PRR16: variants seen among roughly 807,000 people sequenced by gnomAD.
The protein encoded by PRR16 is proline rich 16, also known as protein Largen.
In PRR16, 6 loss-of-function variants were observed where a neutral mutation model predicts 18.2. The observed-to-expected ratio is 0.33, with a 90% CI of 0.18 to 0.65. The LOEUF (loss-of-function observed/expected upper bound fraction) is 0.65, where lower values mean the gene tolerates loss of function less well. PRR16 is among the 30% of genes least tolerant of loss of function. PRR16 has a pLI of 0.74. For synonymous variants in PRR16, 151 were observed against 147.8 expected, an observed-to-expected ratio of 1.02 and a Z score of -0.16; for missense variants, 412 against 376.6, an observed-to-expected ratio of 1.09 and a Z score of -0.78.
At chr5:120,476,631 TC>T (rs1162963540) in intron 1 of PRR16, among the ~76,000 whole-genome samples, 1 of 152,082 alleles carries the variant, frequency 6.6e-6, no homozygotes, top group East Asian at 1.9e-4. Flanking sequence ...GCCTGTTATT[TC>T]CCATTTACTC....
chr5:120,778,604 C>G, the PRR16 span, among the ~76,000 whole-genome samples: 2 of 152,062 alleles, frequency 1.3e-5, no homozygotes, highest in African/African-American at 4.8e-5. Flanking sequence ...GAGGAAAATC[C>G]CAGATTCCTT....
intron 1 of PRR16, among the ~76,000 whole-genome samples, chr5:120,632,771 G>A (rs181556789): frequency 2.0e-5 from 3 of 152,268 alleles, no homozygotes; most frequent in African/African-American, 7.2e-5. Flanking sequence ...GTGTTCCTGA[G>A]TAAGAAGAGA....
At chr5:120,514,831 C>A (rs1384923565) in intron 1 of PRR16, among the ~76,000 whole-genome samples, 2 of 152,144 alleles carry the variant, frequency 1.3e-5, no homozygotes, top group Non-Finnish European at 2.9e-5. Context: ...GAGCTCTCAC[C>A]TGAATTACCA....
chr5:120,615,385 T>G (rs1754473186), intron 1 of PRR16, among the ~76,000 whole-genome samples: 1 of 47,306 alleles, frequency 2.1e-5, no homozygotes, highest in Non-Finnish European at 5.5e-5. Context: ...CTTTCTTTTC[T>G]TTTTTTTTTT....
chr5:120,778,798 C>A, the PRR16 span, among the ~76,000 whole-genome samples: 1 of 152,012 alleles, frequency 6.6e-6, no homozygotes, highest in Non-Finnish European at 1.5e-5. Context: ...ATTTGAAAGC[C>A]AGAGGAAAAA....
chr5:120,614,805 A>C (rs1227134211), intron 1 of PRR16, among the ~76,000 whole-genome samples: 1 of 152,194 alleles, frequency 6.6e-6, no homozygotes, highest in Non-Finnish European at 1.5e-5. Context: ...GGCAATTATG[A>C]AGCTGGGGGA....
At chr5:120,765,430 T>G in the PRR16 span, among the ~76,000 whole-genome samples, 2 of 152,066 alleles carry the variant, frequency 1.3e-5, no homozygotes, top group South Asian at 4.1e-4. Flanking sequence ...TTAAGCAGAT[T>G]GCATCACATA....
In PRR16 at chr5:120,492,683, G is replaced by A. The variant is rs537485382; in HGVS notation, c.159+28038G>A. Among the ~76,000 whole-genome samples the A allele has an allele frequency of 7.3e-4, 111 of 152,114 alleles. 1 individual carries two copies. Among genetic ancestry groups the A allele is most frequent in the Middle Eastern group, 3.4e-3 (1 of 294 alleles). On this transcript the variant is annotated intron_variant, in intron 1 of 1. Coordinates refer to ENST00000407149, the MANE Select transcript of PRR16 (RefSeq NM_001300783.2). ...ACCCATCACCTGAGCAGTGTACACC[G>A]TACCCAATGTAGTCTTTTATCCCTG...
chr5:120,786,649 A>C, the PRR16 span, among the ~76,000 whole-genome samples: 5 of 150,872 alleles, frequency 3.3e-5, no homozygotes, highest in African/African-American at 1.2e-4. Context: ...AAATTATAAA[A>C]ATTTTACCAA....
At chr5:120,711,003 C>G in the PRR16 span, among the ~76,000 whole-genome samples, 1 of 151,896 alleles carries the variant, frequency 6.6e-6, no homozygotes, top group East Asian at 1.9e-4. Flanking sequence ...ATGGTCTGTT[C>G]CTCCATTTTC....
intron 1 of PRR16, among the ~76,000 whole-genome samples, chr5:120,628,695 CATCTATCTATCT>C (rs10590670): frequency 0.077 from 11,150 of 144,582 alleles, 530 homozygotes; most frequent in East Asian, 0.19. Flanking sequence ...ATCATTCTAC[CATCTATCTATCT>C]ATCTATCTAT....
intron 1 of PRR16, among the ~76,000 whole-genome samples, chr5:120,607,762 G>A (rs1754200990): frequency 6.6e-6 from 1 of 151,768 alleles, no homozygotes; most frequent in African/African-American, 2.4e-5. Flanking sequence ...TTTTCCTAGA[G>A]GTGATAACCA....
the PRR16 span, among the ~76,000 whole-genome samples, chr5:120,716,184 C>T: frequency 0.23 from 34,526 of 152,028 alleles, 4,706 homozygotes; most frequent in East Asian, 0.6. Flanking sequence ...TTATTGGGGT[C>T]TTTCTTTGTC....
intron 1 of PRR16, among the ~76,000 whole-genome samples, chr5:120,513,581 A>T (rs1357120580): frequency 6.6e-6 from 1 of 152,020 alleles, no homozygotes; most frequent in African/African-American, 2.4e-5. Flanking sequence ...TGATCCTCAG[A>T]CATTCGTTAC....
intron 1 of PRR16, among the ~76,000 whole-genome samples, chr5:120,541,502 C>T (rs10059291): frequency 0.18 from 27,674 of 152,084 alleles, 2,750 homozygotes; most frequent in Non-Finnish European, 0.21. Context: ...TGTCATTTCT[C>T]GTCACAAGGT....
At chr5:120,603,669 C>A (rs998667397) in intron 1 of PRR16, among the ~76,000 whole-genome samples, 7 of 151,860 alleles carry the variant, frequency 4.6e-5, no homozygotes, top group African/African-American at 1.4e-4. Flanking sequence ...TGATAACTTT[C>A]TAACTTCTTA....
At chr5:120,637,774 G>T (rs1046084434) in intron 1 of PRR16, among the ~76,000 whole-genome samples, 8 of 152,130 alleles carry the variant, frequency 5.3e-5, no homozygotes, top group African/African-American at 1.7e-4. Flanking sequence ...AGGATCACTT[G>T]CAGTGAGCTG....
chr5:120,792,522 T>C, the PRR16 span, among the ~76,000 whole-genome samples: 1 of 152,240 alleles, frequency 6.6e-6, no homozygotes, highest in Non-Finnish European at 1.5e-5. Flanking sequence ...TGAGAAGTAC[T>C]ACTTAACAGG....
intron 1 of PRR16, among the ~76,000 whole-genome samples, chr5:120,526,067 T>C (rs1434461771): frequency 6.6e-6 from 1 of 152,166 alleles, no homozygotes; most frequent in East Asian, 1.9e-4. Context: ...CTAGTCTTTC[T>C]GTTCTGAGGT....
Sources: gnomAD v4.1 joint callset for allele counts (sites outside exome capture counted in the v4.1 genomes callset) on GRCh38, gnomAD v4.1.1 for gene constraint, MANE v1.5 for transcripts, NCBI Gene and HGNC (gene_info 2026-07-23, HGNC 2026-07-21) for gene names.